CEP295NL: variants seen among roughly 807,000 people sequenced by gnomAD.
CEP295NL encodes protein DDC8 homolog.
Under a neutral mutation model 4.6 loss-of-function variants are expected in CEP295NL, and 3 were observed. That is an observed-to-expected ratio of 0.65 (90% CI 0.30 to 1.69). The LOEUF is 1.69. Among genes scored for constraint, CEP295NL ranks in the 40% most tolerant of loss-of-function variants. The pLI, the probability that CEP295NL is intolerant of heterozygous loss-of-function variation, is 0.10. For synonymous variants in CEP295NL, 295 were observed against 312.2 expected (o/e 0.94, Z 0.58); for missense variants, 719 against 769.0 (o/e 0.93, Z 0.77).
intron 2 of CEP295NL, chr17:78,898,145 C>T (rs142554514): frequency 1.9e-4 from 29 of 152,414 alleles, no homozygotes; most frequent in Non-Finnish European, 1.0e-4. Flanking sequence ...CTGATCAGCA[C>T]GCAGACCCGC....
At position 78,896,838 on chromosome 17, in the gene CEP295NL, C is replaced by T. The variant is rs898098265; in HGVS notation, c.45-4379G>A. The T allele has an allele frequency of 7.6e-6, 6 of 792,740 alleles. No individual in the cohort carries two copies. The highest frequency in any genetic ancestry group is 7.5e-5 in the African/African-American group (4 of 53,216). 49.1% of individuals were successfully genotyped at this position (792,740 alleles called of 1,614,324 possible). ...CTTGCTCTCTACAGCCCCGTGGCCC[C>T]AGCGCAGGAGCCAGCCCATGGCAGC... On this transcript the variant is annotated intron_variant, in intron 2 of 2. Transcript: ENST00000322630. This position sits in a 1 kb window ranked among gnomAD's most constrained non-coding sequence, Gnocchi z 4.4.
chr17:78,891,339 T>TC lies in CEP295NL; in HGVS notation c.1164dup (p.Thr389AspfsTer56), dbSNP rs144289362. On this transcript the variant is annotated frameshift_variant, in exon 3 of 3. Coordinates refer to ENST00000322630, the MANE Select transcript of CEP295NL (RefSeq NM_001243540.2). LOFTEE classifies it low-confidence loss of function (END_TRUNC). The surrounding 1 kb of genome is among the most constrained non-coding windows in gnomAD (Gnocchi z 4.5). ...TCTGCCATTTTCTTCCCTCTTGGGG[T>TC]CCCAGCGCCACACTCTTGCATCTCT... 3,662 of 1,550,370 alleles carry TC rather than the reference T, an allele frequency of 2.4e-3. 55 individuals carry two copies. In the African/African-American group the frequency reaches 0.042, roughly 18 times the overall value.
intron 2 of CEP295NL, among the ~76,000 whole-genome samples, chr17:78,894,486 C>CTCCCTT (rs1229095377): frequency 1.3e-5 from 2 of 152,152 alleles, no homozygotes; most frequent in Non-Finnish European, 2.9e-5. Context: ...AGAGAGAAAG[C>CTCCCTT]TGGGCCCTTC....
chr17:78,895,519 G>A (rs953278706), intron 2 of CEP295NL, among the ~76,000 whole-genome samples: 1 of 152,206 alleles, frequency 6.6e-6, no homozygotes, highest in African/African-American at 2.4e-5. Flanking sequence ...GGAACCCTGT[G>A]CACGCTGCTG....
chr17:78,892,873 C>T (rs2069923611), intron 2 of CEP295NL, among the ~76,000 whole-genome samples: 1 of 152,164 alleles, frequency 6.6e-6, no homozygotes. Context: ...CCGAGACTGA[C>T]AATCCCACCC....
At chr17:78,895,878 C>T (rs896042154) in intron 2 of CEP295NL, among the ~76,000 whole-genome samples, 1 of 152,218 alleles carries the variant, frequency 6.6e-6, no homozygotes, top group Non-Finnish European at 1.5e-5. Context: ...TTGGCTCACA[C>T]CCCTTGTCAA....
At chr17:78,893,092 G>A (rs913966431) in intron 2 of CEP295NL, among the ~76,000 whole-genome samples, 3 of 151,318 alleles carry the variant, frequency 2.0e-5, no homozygotes, top group African/African-American at 7.3e-5. Flanking sequence ...CGTGTGCAGG[G>A]GTGTGTGTGG....
rs1175958422 is a variant in CEP295NL, at chr17:78,896,811, C to G, written c.45-4352G>C. On this transcript the variant is annotated intron_variant, in intron 2 of 2. Coordinates refer to ENST00000322630, the MANE Select transcript of CEP295NL (RefSeq NM_001243540.2). The surrounding 1 kb of genome is among the most constrained non-coding windows in gnomAD (Gnocchi z 4.4). ...GAGTGGACACTGGGCCCATTCTCCT[C>G]TCTTGCTCTCTACAGCCCCGTGGCC... 1 of 557,752 alleles carries G rather than the reference C, an allele frequency of 1.8e-6. No individual in the cohort carries two copies. Among genetic ancestry groups the G allele is most frequent in the African/African-American group, 2.1e-5 (1 of 48,646 alleles). The allele number at this position is 557,752 out of a possible 1,614,324, so 34.6% of individuals were successfully genotyped here.
In CEP295NL at chr17:78,896,992, G is replaced by A. The variant is rs985615349; in HGVS notation, c.45-4533C>T. 20 of 985,220 alleles carry A rather than the reference G, an allele frequency of 2.0e-5. No homozygotes were observed. The Admixed American group carries it at 4.3e-4, about 21-fold the overall frequency. 61.0% of individuals were successfully genotyped at this position (985,220 alleles called of 1,614,324 possible). A position where few individuals can be genotyped will look rare whatever the true frequency, so the allele number is the denominator to read the frequency against. On this transcript the variant is annotated intron_variant, in intron 2 of 2. Coordinates refer to ENST00000322630, the MANE Select transcript of CEP295NL (RefSeq NM_001243540.2). The surrounding 1 kb of genome is among the most constrained non-coding windows in gnomAD (Gnocchi z 4.4). ...CTTGAGAATGACGTCCAAGCAGCTC[G>A]CCTTTCCCTGGGCGGCCGCTCAGAC... is the stretch of plus-strand genomic sequence containing the variant.
intron 2 of CEP295NL, among the ~76,000 whole-genome samples, chr17:78,900,361 C>T (rs1568004065): frequency 6.6e-6 from 1 of 152,088 alleles, no homozygotes; most frequent in Admixed American, 6.6e-5. Context: ...GCCTGACCAA[C>T]GTGGTGAAAC....
chr17:78,896,609 C>T lies in CEP295NL; in HGVS notation c.45-4150G>A, dbSNP rs1283948912. 6.6e-6 allele frequency among the ~76,000 whole-genome samples: 1 copy of T among 152,146 alleles called. No homozygotes were observed. Among genetic ancestry groups the T allele is most frequent in the South Asian group, 2.1e-4 (1 of 4,824 alleles). ...GGCTGCTTTGGTGTTTTCTACTCCC[C>T]TGCTGCCCTCTGGTCCTGCCACCCC... On this transcript the variant is annotated intron_variant, in intron 2 of 2. Transcript: ENST00000322630. The surrounding 1 kb of genome is among the most constrained non-coding windows in gnomAD (Gnocchi z 4.4).
At chr17:78,895,307 C>T (rs1047044122) in intron 2 of CEP295NL, among the ~76,000 whole-genome samples, 5 of 152,034 alleles carry the variant, frequency 3.3e-5, no homozygotes, top group Admixed American at 6.6e-5. Flanking sequence ...AAATAAAAAT[C>T]AGCAACAGAT....
rs1482474129 is a variant in CEP295NL at position 78,901,818 on chromosome 17, C to A, written c.11G>T (p.Gly4Val). The A allele has an allele frequency of 1.4e-6, 1 of 715,824 alleles. No homozygotes were observed. Among genetic ancestry groups the A allele is most frequent in the Admixed American group, 2.0e-5 (1 of 49,720 alleles). 44.3% of individuals were successfully genotyped at this position (715,824 alleles called of 1,614,324 possible). A position where few individuals can be genotyped will look rare whatever the true frequency, so the allele number is the denominator to read the frequency against. MCS[G>V]WSSSVIWRHT... The stretch of plus-strand genomic sequence containing the variant: ...TCTCCAGATGACTGAGCTAGACCAC[C>A]CAGAACACATTACAGGGAGGCAGAA... Residue 4 changes from glycine (G) to valine (V), a missense_variant, in exon 2 of 3, where the codon GGG (glycine) becomes GTG (valine). Gly to Val is a moderately radical substitution (Grantham distance 109, BLOSUM62 -3). Coordinates refer to ENST00000322630, the MANE Select transcript of CEP295NL (RefSeq NM_001243540.2).
intron 2 of CEP295NL, among the ~76,000 whole-genome samples, chr17:78,893,849 G>C (rs928927489): frequency 2.6e-5 from 4 of 152,108 alleles, no homozygotes; most frequent in African/African-American, 9.7e-5. Flanking sequence ...CCTAGGAAAG[G>C]AGGGGCATTT....
intron 1 of CEP295NL, among the ~76,000 whole-genome samples, chr17:78,902,494 G>A (rs2070109864): frequency 6.6e-6 from 1 of 152,200 alleles, no homozygotes; most frequent in Non-Finnish European, 1.5e-5. Context: ...GCCCACAGCA[G>A]GCTTTTCCAC....
At position 78,890,644 on chromosome 17, in the gene CEP295NL, T is replaced by A. The variant is rs1336156758; in HGVS notation, c.1860A>T (p.Ile620=). Residue 620 remains isoleucine, a synonymous_variant, in exon 3 of 3, where the codon ATA becomes ATT. Transcript: ENST00000322630. ...CCGGGTGGGCCTCTCGCATTTAGCA[T>A]ATGTTCTGAAACTCCCGCAAGCATT... is the stretch of plus-strand genomic sequence containing the variant. The part of the protein sequence containing the change: ...ARKCLREFQN[I]C The A allele has an allele frequency of 6.5e-7, 1 of 1,549,882 alleles. No homozygotes were observed. Among genetic ancestry groups the A allele is most frequent in the Non-Finnish European group, 8.7e-7 (1 of 1,146,354 alleles).
Position 78,892,351 on chromosome 17 carries a change from C to T in CEP295NL, c.153G>A (p.Gly51=), listed in dbSNP as rs1367559081. 1.9e-6 allele frequency: 3 copies of T among 1,550,672 alleles called. No individual in the cohort carries two copies. Among genetic ancestry groups the T allele is most frequent in the Middle Eastern group, 1.7e-4 (1 of 5,992 alleles). ...CCATGTTTCTGTTCCTGTCTGCGAA[C>T]CCAGCAGATACAGCTTCCCAGGGAA... is the stretch of plus-strand genomic sequence containing the variant. The part of the protein sequence containing the change: ...KHLPWEAVSA[G]FADRNRNMDG... Residue 51 remains glycine, a synonymous_variant, in exon 3 of 3, where the codon GGG becomes GGA. Transcript: ENST00000322630.
Position 78,891,452 on chromosome 17 carries a change from AT to A in CEP295NL, c.1051del (p.Ile351Ter). On this transcript the variant is annotated frameshift_variant, in exon 3 of 3. Transcript: ENST00000322630. LOFTEE classifies it low-confidence loss of function (END_TRUNC). This position sits in a 1 kb window ranked among gnomAD's most constrained non-coding sequence, Gnocchi z 4.5. ...LELAFEELFN[I>X]NRKLKKHLCL... ...CAGGTGTTTTTTCAGCTTTCTGTTT[AT>A]ATTAAACAACTCTTCAAAGGCCAAC... 2.6e-6 allele frequency: 4 copies of A among 1,551,004 alleles called. No homozygotes were observed. Among genetic ancestry groups the A allele is most frequent in the Non-Finnish European group, 3.5e-6 (4 of 1,147,078 alleles).
chr17:78,894,944 C>A (rs1259098642), intron 2 of CEP295NL, among the ~76,000 whole-genome samples: 3 of 152,132 alleles, frequency 2.0e-5, no homozygotes, highest in Non-Finnish European at 2.9e-5. Context: ...CATATGAACA[C>A]CTCTTACTAC....
Sources: gnomAD v4.1 joint callset for allele counts (sites outside exome capture counted in the v4.1 genomes callset) on GRCh38, gnomAD v4.1.1 for gene constraint, Gnocchi (gnomAD v3.1) non-coding constraint, MANE v1.5 for transcripts, NCBI Gene and HGNC (gene_info 2026-07-23, HGNC 2026-07-21) for gene names.